The following SMARCA5 variants were observed in gnomAD, a reference collection of about 807,000 sequenced individuals.
SMARCA5 encodes the protein SWI/SNF-related matrix-associated actin-dependent regulator of chromatin subfamily A member 5.
In SMARCA5, 18 loss-of-function variants were observed where a neutral mutation model predicts 140.4. The ratio of observed to expected loss-of-function variants is 0.13; its 90% confidence interval spans 0.09 to 0.19. SMARCA5 has a LOEUF of 0.19. Among genes scored for constraint, SMARCA5 ranks in the 10% least tolerant of loss-of-function variants. The pLI is 1.00. For synonymous variants in SMARCA5, 449 were observed against 419.6 expected (o/e 1.07, Z -0.86); for missense variants, 606 against 1,276.8 (o/e 0.47, Z 8.01).
chr4:143,545,795 C>T, intron 18 of SMARCA5, 130 bp from the exon 19 acceptor site: 1 of 942,738 alleles, frequency 1.1e-6, no homozygotes, highest in Non-Finnish European at 1.7e-6. Context: ...TTGTTTTTAA[C>T]ATAATACATG....
chr4:143,527,131 A>T (rs905588766), intron 6 of SMARCA5, among the ~76,000 whole-genome samples: 1 of 152,212 alleles, frequency 6.6e-6, no homozygotes, highest in Admixed American at 6.5e-5. Context: ...TAATTTGGTG[A>T]TTTATTATGA....
intron 6 of SMARCA5, 130 bp downstream of exon 6, chr4:143,526,590 A>G: frequency 3.0e-6 from 2 of 657,812 alleles, no homozygotes; most frequent in Non-Finnish European, 2.6e-6. Context: ...CAAATGTAGC[A>G]TTGTCTTGGT....
In SMARCA5 at chr4:143,555,053, C is replaced by T. The variant is rs939038759; in HGVS notation, c.*1869C>T. On this transcript the variant is annotated 3_prime_UTR_variant, in exon 24 of 24. Coordinates refer to ENST00000283131, the MANE Select transcript of SMARCA5 (RefSeq NM_003601.4). ...CCTGTCACTTCTCTGGCTTTCCTCT[C>T]CCGCTAAGCTTTTGTTTCCTGGCAG... is the stretch of plus-strand genomic sequence containing the variant. The T allele has an allele frequency of 1.8e-6, 1 of 563,734 alleles. No individual in the cohort carries two copies. Among genetic ancestry groups the T allele is most frequent in the East Asian group, 3.9e-5 (1 of 25,446 alleles). 34.9% of individuals were successfully genotyped at this position (563,734 alleles called of 1,614,324 possible).
intron 6 of SMARCA5, 101 bp downstream of exon 6, chr4:143,526,561 T>C (rs1737074942): frequency 4.0e-6 from 3 of 747,174 alleles, no homozygotes; most frequent in Non-Finnish European, 6.7e-6. Flanking sequence ...GACGGGATCT[T>C]CGCAAATATT....
chr4:143,523,835 T>C (rs544208872), intron 3 of SMARCA5, among the ~76,000 whole-genome samples: 43 of 152,310 alleles, frequency 2.8e-4, no homozygotes, highest in Middle Eastern at 3.4e-3. Flanking sequence ...AGAGATTAAT[T>C]GGCAGTATTA....
intron 18 of SMARCA5, 98 bp downstream of exon 18, chr4:143,545,681 G>A: frequency 1.2e-6 from 1 of 819,224 alleles, no homozygotes; most frequent in Non-Finnish European, 2.0e-6. Context: ...GACCTAGTGT[G>A]AAACAATACT....
At chr4:143,518,878 T>A (rs887167446) in intron 2 of SMARCA5, among the ~76,000 whole-genome samples, 5 of 152,140 alleles carry the variant, frequency 3.3e-5, no homozygotes, top group Admixed American at 2.0e-4. Context: ...TCTGACACAC[T>A]CTGCTGGTGA....
intron 1 of SMARCA5, chr4:143,514,341 T>C: frequency 2.1e-6 from 1 of 484,302 alleles, no homozygotes; most frequent in Non-Finnish European, 3.6e-6. Flanking sequence ...TCGTGAATCC[T>C]GACAAATATT....
At chr4:143,518,031 G>A (rs951591883) in intron 2 of SMARCA5, among the ~76,000 whole-genome samples, 3 of 152,052 alleles carry the variant, frequency 2.0e-5, no homozygotes, top group African/African-American at 4.8e-5. Context: ...CCTTGGAAGC[G>A]AGGTGAAGAC....
At chr4:143,529,211 A>G (rs939949000) in intron 8 of SMARCA5, among the ~76,000 whole-genome samples, 1 of 152,184 alleles carries the variant, frequency 6.6e-6, no homozygotes, top group African/African-American at 2.4e-5. Context: ...CTGGGATTAC[A>G]GGCACGAGCC....
At chr4:143,548,763 A>G (rs370044343) in intron 22 of SMARCA5, among the ~76,000 whole-genome samples, 1 of 152,108 alleles carries the variant, frequency 6.6e-6, no homozygotes, top group Non-Finnish European at 1.5e-5. Context: ...GATAATGCTA[A>G]TAAGTTCTTT....
intron 1 of SMARCA5, chr4:143,514,393 C>T (rs1736778435): frequency 2.8e-6 from 1 of 355,168 alleles, no homozygotes; most frequent in African/African-American, 2.1e-5. Context: ...TACCGTGGCC[C>T]GGGGGACCCA....
At chr4:143,544,565 C>G (rs983459568) in intron 16 of SMARCA5, among the ~76,000 whole-genome samples, 172 bp from the exon 17 acceptor site, 2 of 152,172 alleles carry the variant, frequency 1.3e-5, no homozygotes, top group African/African-American at 4.8e-5. Flanking sequence ...TAGACACTGT[C>G]TCGTGTTAAT....
intron 13 of SMARCA5, among the ~76,000 whole-genome samples, chr4:143,539,696 C>T (rs943117579): frequency 1.3e-5 from 2 of 152,176 alleles, no homozygotes; most frequent in African/African-American, 2.4e-5. Context: ...GCCACCACGC[C>T]TGACTAATTT....
At chr4:143,550,224 ACT>A in intron 23 of SMARCA5, 120 bp downstream of exon 23, 2 of 271,952 alleles carry the variant, frequency 7.4e-6, no homozygotes, top group African/African-American at 3.5e-5. Context: ...CATTGCCTTT[ACT>A]TTTTTTTTTT....
At chr4:143,540,313 A>C (rs1200018918) in intron 13 of SMARCA5, 50 bp from the exon 14 acceptor site, 10 of 1,488,510 alleles carry the variant, frequency 6.7e-6, no homozygotes, top group African/African-American at 1.4e-5. Flanking sequence ...TTTCAGTGTT[A>C]TTTATGTGAC....
rs376721094 is a variant in SMARCA5, at chr4:143,547,924, A to G, written c.2773-4A>G. ...TTATATAATATAAAATCTGACTTTC[A>G]TAGATTGGACGGTACAAAGCACCTT... On this transcript the variant is annotated splice_polypyrimidine_tract_variant and splice_region_variant and intron_variant, in intron 21 of 23. Coordinates refer to ENST00000283131, the MANE Select transcript of SMARCA5 (RefSeq NM_003601.4). 3.0e-5 allele frequency: 45 copies of G among 1,521,598 alleles called. No homozygotes were observed. Among genetic ancestry groups the G allele is most frequent in the Non-Finnish European group, 3.7e-5 (42 of 1,123,404 alleles). The allele number at this position is 1,521,598 out of a possible 1,614,324, so 94.3% of individuals were successfully genotyped here.
rs754669289 is a variant in SMARCA5 at position 143,547,380 on chromosome 4, T to C, written c.2654-5T>C. 6.8e-7 allele frequency: 1 copy of C among 1,477,880 alleles called. No homozygotes were observed. Among genetic ancestry groups the C allele is most frequent in the Non-Finnish European group, 9.4e-7 (1 of 1,065,800 alleles). The allele number at this position is 1,477,880 out of a possible 1,614,324, so 91.5% of individuals were successfully genotyped here. On this transcript the variant is annotated splice_polypyrimidine_tract_variant and splice_region_variant and intron_variant, in intron 20 of 23. Coordinates refer to ENST00000283131, the MANE Select transcript of SMARCA5 (RefSeq NM_003601.4). ...TGATTTGTTTACTTTGTCCAACTTT[T>C]ACAGCTGTGTTTTGGGAAAGGTGCA...
At chr4:143,524,517 C>G in intron 4 of SMARCA5, 50 bp downstream of exon 4, 1 of 1,205,398 alleles carries the variant, frequency 8.3e-7, no homozygotes, top group Non-Finnish European at 1.2e-6. Context: ...TTGAGATCTC[C>G]TTTGGTTAAT....
Sources: gnomAD v4.1 joint callset for allele counts (sites outside exome capture counted in the v4.1 genomes callset) on GRCh38, gnomAD v4.1.1 for gene constraint, MANE v1.5 for transcripts, NCBI Gene and HGNC (gene_info 2026-07-23, HGNC 2026-07-21) for gene names.